Variants in GRIK2 observed in about 807,000 individuals in gnomAD.
The protein encoded by GRIK2 is glutamate receptor ionotropic, kainate 2.
GRIK2 carries 32 observed loss-of-function variants against 100.3 expected under a neutral mutation model. The ratio of observed to expected loss-of-function variants is 0.32; its 90% CI spans 0.24 to 0.43. The LOEUF is 0.43. GRIK2 is among the 20% of genes least tolerant of loss of function. The probability of loss-of-function intolerance (pLI) is 1.00; values close to 1 mark genes in which losing one functional copy is unlikely to be tolerated. For missense variants in GRIK2, 843 were observed against 1,114.9 expected (o/e 0.76, Z 3.47); for synonymous variants, 417 against 389.4 (o/e 1.07, Z -0.83).
chr6:101,952,587 A>G (rs927187966), intron 14 of GRIK2, among the ~76,000 whole-genome samples: 1 of 152,030 alleles, frequency 6.6e-6, no homozygotes, highest in Non-Finnish European at 1.5e-5. Flanking sequence ...TATATTCAGA[A>G]CTGCATAATC....
intron 2 of GRIK2, among the ~76,000 whole-genome samples, chr6:101,448,723 G>A (rs1249592644): frequency 1.3e-5 from 2 of 151,508 alleles, no homozygotes; most frequent in African/African-American, 4.8e-5. Context: ...TATAGCCTGA[G>A]AGAAAGGAAC....
intron 12 of GRIK2, among the ~76,000 whole-genome samples, chr6:101,916,863 C>G (rs1421766479): frequency 6.6e-6 from 1 of 151,660 alleles, no homozygotes; most frequent in East Asian, 1.9e-4. Flanking sequence ...TTTGCCATCT[C>G]TGTAATGCCT....
At chr6:101,400,013 T>C (rs904651656) in intron 2 of GRIK2, among the ~76,000 whole-genome samples, 2 of 152,244 alleles carry the variant, frequency 1.3e-5, no homozygotes, top group African/African-American at 4.8e-5. Context: ...ACAGGGAGGC[T>C]GCTACTTAGC....
In GRIK2 at chr6:102,011,389, G is replaced by A. The variant is rs552674161; in HGVS notation, c.2086-23952G>A. Among the ~76,000 whole-genome samples the A allele has an allele frequency of 1.7e-4, 26 of 152,054 alleles. No individual in the cohort carries two copies. The South Asian group carries it at 5.4e-3, about 32-fold the overall frequency. The stretch of plus-strand genomic sequence containing the variant: ...GATCTCTCCATTTTTAAAATGCGTT[G>A]TTCATAAATTTTAAGAGTTCTCTGA... On this transcript the variant is annotated intron_variant, in intron 14 of 16. Coordinates refer to ENST00000369134, the MANE Select transcript of GRIK2 (RefSeq NM_021956.5).
intron 7 of GRIK2, among the ~76,000 whole-genome samples, chr6:101,752,481 C>T (rs928934766): frequency 1.3e-5 from 2 of 152,080 alleles, no homozygotes; most frequent in Admixed American, 6.6e-5. Context: ...AGTTCATAGG[C>T]TTCTCTGTAG....
chr6:101,445,860 A>G (rs111561159), intron 2 of GRIK2, among the ~76,000 whole-genome samples: 2,164 of 152,194 alleles, frequency 0.014, 18 homozygotes, highest in Non-Finnish European at 0.02. Flanking sequence ...TGAGGCCAAA[A>G]TACTTGCCTT....
At chr6:101,906,818 T>G (rs1227571339) in intron 12 of GRIK2, among the ~76,000 whole-genome samples, 1 of 151,818 alleles carries the variant, frequency 6.6e-6, no homozygotes, top group Non-Finnish European at 1.5e-5. Context: ...TTGATTTACT[T>G]GACCTCATAA....
intron 12 of GRIK2, among the ~76,000 whole-genome samples, chr6:101,893,625 CT>C (rs1172804434): frequency 6.6e-6 from 1 of 151,704 alleles, no homozygotes; most frequent in Non-Finnish European, 1.5e-5. Context: ...TTTGTTTCCT[CT>C]TTTGTTTAAT....
intron 2 of GRIK2, among the ~76,000 whole-genome samples, chr6:101,552,706 A>T (rs1776567378): frequency 1.3e-5 from 2 of 152,200 alleles, no homozygotes; most frequent in Non-Finnish European, 1.5e-5. Flanking sequence ...AGATGTGTCT[A>T]ACCTGCTATC....
intron 7 of GRIK2, chr6:101,744,574 CTTTTTCTTTTTT>C (rs1294024590): frequency 2.9e-5 from 2 of 67,998 alleles, no homozygotes; most frequent in Non-Finnish European, 5.9e-5. Flanking sequence ...ATTTCTTTTT[CTTTTTCTTTTTT>C]TTTTTTTTTA....
intron 2 of GRIK2, among the ~76,000 whole-genome samples, chr6:101,445,974 C>G (rs530891632): frequency 6.6e-6 from 1 of 152,168 alleles, no homozygotes; most frequent in African/African-American, 2.4e-5. Context: ...ATAGGCACAT[C>G]TCATGCTTTA....
At chr6:101,562,518 T>G (rs1777071897) in intron 2 of GRIK2, among the ~76,000 whole-genome samples, 1 of 151,816 alleles carries the variant, frequency 6.6e-6, no homozygotes, top group Non-Finnish European at 1.5e-5. Context: ...TTTGTAGTTT[T>G]TTTTAGTAGA....
chr6:101,536,626 T>C lies in GRIK2; in HGVS notation c.116-85323T>C, dbSNP rs538510276. 5.3e-5 allele frequency among the ~76,000 whole-genome samples: 8 copies of C among 151,864 alleles called. No individual in the cohort carries two copies. In the South Asian group the frequency reaches 1.4e-3, roughly 28 times the overall value. ...AGTTTCAAAAACTTAGATAGAGAGA[T>C]ACACAATAAAATATAAAAGTAGTAT... On this transcript the variant is annotated intron_variant, in intron 2 of 16. Coordinates refer to ENST00000369134, the MANE Select transcript of GRIK2 (RefSeq NM_021956.5).
chr6:101,784,290 A>T (rs912058632), intron 7 of GRIK2, among the ~76,000 whole-genome samples: 3 of 152,250 alleles, frequency 2.0e-5, no homozygotes, highest in Non-Finnish European at 4.4e-5. Flanking sequence ...CAGCTCCAGC[A>T]GTGGCTAAAA....
At chr6:102,004,093 C>A (rs1314367411) in intron 14 of GRIK2, among the ~76,000 whole-genome samples, 1 of 150,362 alleles carries the variant, frequency 6.7e-6, no homozygotes, top group Non-Finnish European at 1.5e-5. Context: ...TCTAGTATCA[C>A]CAATGTATTT....
intron 12 of GRIK2, among the ~76,000 whole-genome samples, chr6:101,895,117 C>G (rs2518205): frequency 0.028 from 4,294 of 151,588 alleles, 198 homozygotes; most frequent in African/African-American, 0.099. Flanking sequence ...TGATTAGGGT[C>G]AAATAGAGGA....
intron 7 of GRIK2, among the ~76,000 whole-genome samples, chr6:101,728,977 T>G (rs977337089): frequency 6.6e-6 from 1 of 152,074 alleles, no homozygotes; most frequent in African/African-American, 2.4e-5. Flanking sequence ...TTTTTGACAA[T>G]TCTTTGTTAG....
intron 4 of GRIK2, among the ~76,000 whole-genome samples, chr6:101,640,071 C>T (rs1781214687): frequency 6.6e-6 from 1 of 152,104 alleles, no homozygotes; most frequent in African/African-American, 2.4e-5. Flanking sequence ...TTTGAGAAAA[C>T]AAAACTTATT....
intron 4 of GRIK2, among the ~76,000 whole-genome samples, chr6:101,628,598 G>T (rs1780568259): frequency 6.6e-6 from 1 of 151,970 alleles, no homozygotes; most frequent in Admixed American, 6.6e-5. Flanking sequence ...TGATCCAAGG[G>T]ATCCTCAGTT....
Sources: allele counts gnomAD v4.1 joint callset (sites outside exome capture counted in the v4.1 genomes callset), GRCh38; gene constraint gnomAD v4.1.1; transcripts MANE v1.5; gene names NCBI Gene and HGNC (gene_info 2026-07-23, HGNC 2026-07-21).